PRKG1: variants seen among roughly 807,000 people sequenced by gnomAD.
PRKG1 encodes protein kinase cGMP-dependent 1.
Under a neutral mutation model 88.1 loss-of-function variants are expected in PRKG1, and 35 were observed. The observed-to-expected ratio is 0.40, with a 90% CI of 0.30 to 0.53. PRKG1 has a LOEUF of 0.53. Ranked by LOEUF, PRKG1 falls within the 20% of genes least tolerant of loss-of-function variation. PRKG1 has a pLI of 0.59. For synonymous variants in PRKG1, 303 were observed against 292.5 expected, an observed-to-expected ratio of 1.04 and a Z score of -0.37; for missense variants, 540 against 839.8, an observed-to-expected ratio of 0.64 and a Z score of 4.41.
chr10:50,993,637 T>C (rs1297645474), intron 1 of PRKG1, among the ~76,000 whole-genome samples: 5 of 152,232 alleles, frequency 3.3e-5, no homozygotes, highest in Non-Finnish European at 7.3e-5. Context: ...ATCGCATTTT[T>C]GAAATTTCAG....
chr10:51,519,889 C>T (rs1022754530), intron 3 of PRKG1, among the ~76,000 whole-genome samples: 1 of 152,154 alleles, frequency 6.6e-6, no homozygotes, highest in African/African-American at 2.4e-5. Context: ...TGGCTGTAAT[C>T]TTATCTCAGA....
chr10:51,517,413 G>A (rs969905252), intron 3 of PRKG1, among the ~76,000 whole-genome samples: 3 of 152,190 alleles, frequency 2.0e-5, no homozygotes, highest in African/African-American at 7.2e-5. Flanking sequence ...TAAACATTAA[G>A]GAATGTGTAC....
intron 5 of PRKG1, among the ~76,000 whole-genome samples, chr10:51,990,388 A>G (rs1844273328): frequency 6.6e-6 from 1 of 152,088 alleles, no homozygotes; most frequent in Admixed American, 6.6e-5. Flanking sequence ...TATTGTGATA[A>G]GGATTGTATT....
intron 2 of PRKG1, among the ~76,000 whole-genome samples, chr10:51,353,249 G>A (rs1842292253): frequency 6.6e-6 from 1 of 152,030 alleles, no homozygotes; most frequent in African/African-American, 2.4e-5. Context: ...AACATTTCTT[G>A]AGTAATACCA....
chr10:51,080,946 A>G (rs1193161032), intron 1 of PRKG1, among the ~76,000 whole-genome samples: 1 of 152,212 alleles, frequency 6.6e-6, no homozygotes, highest in African/African-American at 2.4e-5. Context: ...TTCTCCCTCC[A>G]AAACTGTCCT....
Position 52,282,249 on chromosome 10 carries a change from A to C in PRKG1, c.1642A>C (p.Lys548Gln). 6.2e-7 allele frequency: 1 copy of C among 1,612,136 alleles called. No individual in the cohort carries two copies. The highest frequency in any genetic ancestry group is 8.5e-7 in the Non-Finnish European group (1 of 1,178,760). The change falls in exon 14 of 18, where the codon AAA (lysine) becomes CAA (glutamine). Residue 548 changes from lysine to glutamine, a missense_variant. By Grantham distance (53) the Lys-to-Gln change is moderately conservative (BLOSUM62 1). Coordinates refer to ENST00000373980, the MANE Select transcript of PRKG1 (RefSeq NM_006258.4). ...EYVAPEIILN[K>Q]GHDISADYWS... ...TGTAGCCCCAGAGATCATCCTGAAC[A>C]AAGGCCATGACATTTCAGCCGACTA... is the stretch of plus-strand genomic sequence containing the variant.
chr10:51,643,209 G>A (rs1271351047), intron 3 of PRKG1, among the ~76,000 whole-genome samples: 1 of 152,116 alleles, frequency 6.6e-6, no homozygotes, highest in Non-Finnish European at 1.5e-5. Flanking sequence ...TAACATCAGT[G>A]ATTTTATCCA....
chr10:51,862,741 A>T (rs1589368515), intron 4 of PRKG1, among the ~76,000 whole-genome samples: 1 of 151,918 alleles, frequency 6.6e-6, no homozygotes, highest in Admixed American at 6.6e-5. Context: ...TTCTCTGGGG[A>T]CCTACCTCTG....
chr10:51,942,047 A>G (rs919229565), intron 5 of PRKG1, among the ~76,000 whole-genome samples: 4 of 152,026 alleles, frequency 2.6e-5, no homozygotes, highest in African/African-American at 7.3e-5. Context: ...ACAAGGGTTG[A>G]ACTAGTTTAC....
intron 3 of PRKG1, among the ~76,000 whole-genome samples, chr10:51,572,001 A>G (rs1242912519): frequency 4.0e-5 from 6 of 151,704 alleles, no homozygotes; most frequent in Non-Finnish European, 4.4e-5. Flanking sequence ...AGAGAGAGAA[A>G]ATGGGGTAAG....
intron 2 of PRKG1, among the ~76,000 whole-genome samples, chr10:51,380,930 A>G (rs1837073086): frequency 6.6e-6 from 1 of 152,132 alleles, no homozygotes; most frequent in Non-Finnish European, 1.5e-5. Context: ...TATCTGCTGT[A>G]ACTGCCCTGG....
intron 10 of PRKG1, among the ~76,000 whole-genome samples, chr10:52,268,513 A>G (rs1841632531): frequency 6.6e-6 from 1 of 152,050 alleles, no homozygotes; most frequent in African/African-American, 2.4e-5. Flanking sequence ...CTCCCAAATC[A>G]CATGCCTAGC....
intron 3 of PRKG1, among the ~76,000 whole-genome samples, chr10:51,496,892 G>A (rs974397439): frequency 7.9e-5 from 12 of 152,042 alleles, no homozygotes; most frequent in Non-Finnish European, 1.2e-4. Context: ...ATCATTCTAC[G>A]CACCTTCTAA....
At chr10:51,017,756 GC>G (rs1456887123) in intron 1 of PRKG1, among the ~76,000 whole-genome samples, 1 of 151,736 alleles carries the variant, frequency 6.6e-6, no homozygotes, top group African/African-American at 2.4e-5. Flanking sequence ...CAAAAGAGTT[GC>G]AAAAGCCCCA....
chr10:51,332,773 C>T (rs1278064570), intron 2 of PRKG1, among the ~76,000 whole-genome samples: 2 of 152,120 alleles, frequency 1.3e-5, no homozygotes, highest in African/African-American at 2.4e-5. Flanking sequence ...GAAGGAACCA[C>T]GATTTGGGAA....
At chr10:51,414,220 C>T (rs1006634113) in intron 2 of PRKG1, among the ~76,000 whole-genome samples, 1 of 152,084 alleles carries the variant, frequency 6.6e-6, no homozygotes, top group Admixed American at 6.6e-5. Flanking sequence ...TTTTCCTTCT[C>T]CAACAAACAG....
chr10:52,087,906 A>G (rs1846955813), intron 7 of PRKG1, among the ~76,000 whole-genome samples: 1 of 152,250 alleles, frequency 6.6e-6, no homozygotes, highest in Admixed American at 6.5e-5. Flanking sequence ...CCATGTTTCA[A>G]TAAGGAAACT....
chr10:51,961,373 C>T (rs976694320), intron 5 of PRKG1, among the ~76,000 whole-genome samples: 1 of 145,244 alleles, frequency 6.9e-6, no homozygotes, highest in East Asian at 1.9e-4. Flanking sequence ...GTGGAGGGCC[C>T]ACTGTATTTA....
intron 9 of PRKG1, among the ~76,000 whole-genome samples, chr10:52,176,426 T>C (rs1429248330): frequency 6.6e-6 from 1 of 152,086 alleles, no homozygotes; most frequent in Non-Finnish European, 1.5e-5. Flanking sequence ...AGCTTTGTAG[T>C]ATATTTTGCA....
Sources: gnomAD v4.1 joint callset for allele counts (sites outside exome capture counted in the v4.1 genomes callset) on GRCh38, gnomAD v4.1.1 for gene constraint, MANE v1.5 for transcripts, NCBI Gene and HGNC (gene_info 2026-07-23, HGNC 2026-07-21) for gene names.